Variants in FHIT observed in about 807,000 individuals in gnomAD.
FHIT encodes the protein bis(5'-adenosyl)-triphosphatase.
FHIT carries 19 observed loss-of-function variants against 17.9 expected under a neutral mutation model. The observed-to-expected ratio is 1.06, with a 90% CI of 0.74 to 1.56. The LOEUF is 1.56. FHIT is among the 40% of genes most tolerant of loss of function. The pLI, the probability that FHIT is intolerant of heterozygous loss-of-function variation, is 0.00. For synonymous variants in FHIT, 81 were observed against 69.7 expected (o/e 1.16, Z -0.81); for missense variants, 248 against 189.2 (o/e 1.31, Z -1.82).
intron 5 of FHIT, among the ~76,000 whole-genome samples, chr3:60,490,958 C>G (rs1044813308): frequency 6.6e-6 from 1 of 152,140 alleles, no homozygotes; most frequent in African/African-American, 2.4e-5. Flanking sequence ...TTTCCTCTAC[C>G]TCTGAAGACA....
At chr3:59,931,383 A>T (rs908195077) in intron 7 of FHIT, among the ~76,000 whole-genome samples, 1 of 152,184 alleles carries the variant, frequency 6.6e-6, no homozygotes, top group Non-Finnish European at 1.5e-5. Context: ...GAAATTACTG[A>T]CAGCCACTTA....
chr3:60,157,807 A>T (rs1160096120), intron 5 of FHIT, among the ~76,000 whole-genome samples: 1 of 152,152 alleles, frequency 6.6e-6, no homozygotes, highest in African/African-American at 2.4e-5. Flanking sequence ...CAAAATAGGA[A>T]GTGTAGAGAT....
Position 61,143,788 on chromosome 3 carries a change from C to T in FHIT, c.-164+56829G>A, listed in dbSNP as rs1019764089. Reference sequence around the variant, plus strand: ...GACTGAGACAGGAGAATTGCTTGAACCCAGGAGGCAGAGGTTGCAGTGTGC... The same window carrying T: ...GACTGAGACAGGAGAATTGCTTGAATCCAGGAGGCAGAGGTTGCAGTGTGC... On this transcript the variant is annotated intron_variant, in intron 2 of 9. Coordinates refer to ENST00000492590, the MANE Select transcript of FHIT (RefSeq NM_002012.4). Among the ~76,000 whole-genome samples, 4 of 152,128 alleles carry T rather than the reference C, an allele frequency of 2.6e-5. No individual in the cohort carries two copies. The South Asian group carries it at 8.3e-4, about 31-fold the overall frequency.
intron 7 of FHIT, among the ~76,000 whole-genome samples, 191 bp downstream of exon 7, chr3:60,011,180 G>A (rs1345898034): frequency 1.3e-5 from 2 of 152,144 alleles, no homozygotes; most frequent in African/African-American, 4.8e-5. Context: ...TAAATGTCTT[G>A]TAAACCAATG....
intron 5 of FHIT, among the ~76,000 whole-genome samples, chr3:60,417,137 A>G (rs893580776): frequency 6.6e-6 from 1 of 152,112 alleles, no homozygotes; most frequent in African/African-American, 2.4e-5. Context: ...TAGATCATCA[A>G]TAGAGAAATG....
intron 4 of FHIT, among the ~76,000 whole-genome samples, chr3:60,566,443 T>C (rs1024805512): frequency 5.3e-5 from 8 of 152,174 alleles, no homozygotes; most frequent in Non-Finnish European, 8.8e-5. Context: ...AAATGAGGTA[T>C]TGATGAGACG....
At chr3:60,492,067 T>C (rs966179455) in intron 5 of FHIT, among the ~76,000 whole-genome samples, 5 of 152,206 alleles carry the variant, frequency 3.3e-5, no homozygotes. Context: ...CGGACATAAA[T>C]ATTCTTGAAA....
chr3:60,024,965 T>C (rs889351315), intron 5 of FHIT, among the ~76,000 whole-genome samples: 5 of 152,214 alleles, frequency 3.3e-5, no homozygotes, highest in Admixed American at 6.5e-5. Context: ...AAAGCAGGCC[T>C]GGCCTGTGGT....
intron 8 of FHIT, among the ~76,000 whole-genome samples, chr3:59,896,785 A>C (rs1434984163): frequency 1.3e-5 from 2 of 152,150 alleles, no homozygotes; most frequent in African/African-American, 4.8e-5. Context: ...AAAATAATTA[A>C]GGTATTTAAT....
At chr3:60,577,622 T>TA (rs2037613002) in intron 4 of FHIT, among the ~76,000 whole-genome samples, 1 of 152,168 alleles carries the variant, frequency 6.6e-6, no homozygotes, top group Admixed American at 6.6e-5. Context: ...AGGGTATTCT[T>TA]AAAAAATTGT....
chr3:59,787,871 A>G (rs530309756), intron 8 of FHIT, among the ~76,000 whole-genome samples: 1 of 152,284 alleles, frequency 6.6e-6, no homozygotes, highest in Non-Finnish European at 1.5e-5. Flanking sequence ...CTTACCTGCT[A>G]TGTTATCTTG....
At chr3:60,168,307 GAGC>G (rs1701266326) in intron 5 of FHIT, among the ~76,000 whole-genome samples, 1 of 152,120 alleles carries the variant, frequency 6.6e-6, no homozygotes, top group South Asian at 2.1e-4. Context: ...CTAACACATG[GAGC>G]AGATTTTACC....
At chr3:61,146,684 C>A (rs1397202932) in intron 2 of FHIT, among the ~76,000 whole-genome samples, 1 of 151,942 alleles carries the variant, frequency 6.6e-6, no homozygotes, top group Non-Finnish European at 1.5e-5. Flanking sequence ...TTCACATTTC[C>A]AAGTGAAGCA....
chr3:59,867,025 G>C lies in FHIT; in HGVS notation c.348+55321C>G, dbSNP rs191093781. On this transcript the variant is annotated intron_variant, in intron 8 of 9. Coordinates refer to ENST00000492590, the MANE Select transcript of FHIT (RefSeq NM_002012.4). ...CTATGATAAATAAGGGGTTCGTGAA[G>C]TTCATTAACAGGGATTGCATCACCC... Among the ~76,000 whole-genome samples, 29 of 150,974 alleles carry C rather than the reference G, an allele frequency of 1.9e-4. 1 individual carries two copies. The highest frequency in any genetic ancestry group is 6.9e-4 in the African/African-American group (28 of 40,788).
chr3:60,807,613 C>T (rs1553734699), intron 4 of FHIT, among the ~76,000 whole-genome samples: 1 of 151,854 alleles, frequency 6.6e-6, no homozygotes, highest in African/African-American at 2.4e-5. Flanking sequence ...TAAAATATTT[C>T]CTGACCAGTT....
chr3:60,538,511 G>A (rs1324220705), intron 4 of FHIT, among the ~76,000 whole-genome samples: 3 of 152,106 alleles, frequency 2.0e-5, no homozygotes, highest in Non-Finnish European at 4.4e-5. Flanking sequence ...GAACAAAGCT[G>A]GAGGCATCAT....
Position 59,885,587 on chromosome 3 carries a change from C to T in FHIT, c.348+36759G>A, listed in dbSNP as rs1457827435. 2.6e-5 allele frequency among the ~76,000 whole-genome samples: 4 copies of T among 152,108 alleles called. No homozygotes were observed. The South Asian group carries it at 8.3e-4, about 32-fold the overall frequency. ...GTACAGTGCTCTGTTTGATCATCCA[C>T]TTTTCAAGAGCCAGCTTCACATCCT... On this transcript the variant is annotated intron_variant, in intron 8 of 9. Transcript: ENST00000492590.
At chr3:60,332,074 T>C (rs560320411) in intron 5 of FHIT, among the ~76,000 whole-genome samples, 4 of 152,140 alleles carry the variant, frequency 2.6e-5, no homozygotes, top group Non-Finnish European at 4.4e-5. Flanking sequence ...CTTTCATTAA[T>C]GCTAATTAAA....
intron 5 of FHIT, among the ~76,000 whole-genome samples, chr3:60,298,824 T>C (rs1708325724): frequency 6.6e-6 from 1 of 152,106 alleles, no homozygotes; most frequent in African/African-American, 2.4e-5. Context: ...TTCTGAACCT[T>C]GAGAGGTGGC....
Sources: gnomAD v4.1 joint callset for allele counts (sites outside exome capture counted in the v4.1 genomes callset) on GRCh38, gnomAD v4.1.1 for gene constraint, MANE v1.5 for transcripts, NCBI Gene and HGNC (gene_info 2026-07-23, HGNC 2026-07-21) for gene names.